USH2A: variants seen among roughly 807,000 people sequenced by gnomAD.
USH2A encodes the protein usherin, also known as Usher syndrome 2A (autosomal recessive, mild).
USH2A carries 443 observed loss-of-function variants against 538.9 expected under a neutral mutation model. The ratio of observed to expected loss-of-function variants is 0.82; its 90% CI spans 0.76 to 0.89. USH2A has a LOEUF of 0.89. USH2A is among the 40% of genes least tolerant of loss of function. The pLI is 0.00. For synonymous variants in USH2A, 2,413 were observed against 2,273.5 expected, an observed-to-expected ratio of 1.06 and a Z score of -1.75; for missense variants, 6,633 against 6,324.8, an observed-to-expected ratio of 1.05 and a Z score of -1.65.
At chr1:216,010,268 A>G (rs1668526669) in intron 32 of USH2A, among the ~76,000 whole-genome samples, 1 of 152,178 alleles carries the variant, frequency 6.6e-6, no homozygotes, top group Non-Finnish European at 1.5e-5. Context: ...CTCCTCCTCC[A>G]GGAGCTTGCT....
At chr1:215,933,469 G>A (rs1406336463) in intron 38 of USH2A, among the ~76,000 whole-genome samples, 1 of 151,914 alleles carries the variant, frequency 6.6e-6, no homozygotes, top group Non-Finnish European at 1.5e-5. Context: ...CTTAAGTAAT[G>A]TAGCTTCTGA....
chr1:216,262,792 C>G (rs932999250), intron 11 of USH2A, among the ~76,000 whole-genome samples: 2 of 151,560 alleles, frequency 1.3e-5, no homozygotes, highest in African/African-American at 4.8e-5. Context: ...TAAAAAAGAT[C>G]AGAGAAGAAG....
intron 47 of USH2A, among the ~76,000 whole-genome samples, chr1:215,828,512 G>T (rs1219598168): frequency 6.6e-6 from 1 of 152,164 alleles, no homozygotes; most frequent in Non-Finnish European, 1.5e-5. Context: ...CATTCATTTA[G>T]AGACATCTAA....
intron 11 of USH2A, among the ~76,000 whole-genome samples, chr1:216,270,055 A>G (rs1172448190): frequency 6.6e-6 from 1 of 152,180 alleles, no homozygotes; most frequent in Non-Finnish European, 1.5e-5. Flanking sequence ...AGATGAATAA[A>G]TTAGATGAAC....
chr1:216,103,816 G>A (rs1411034763), intron 21 of USH2A, among the ~76,000 whole-genome samples: 2 of 152,098 alleles, frequency 1.3e-5, no homozygotes, highest in Non-Finnish European at 2.9e-5. Context: ...GATGTTCAGT[G>A]TCATCATTCA....
intron 32 of USH2A, among the ~76,000 whole-genome samples, chr1:216,028,055 A>G (rs1413853101): frequency 6.6e-6 from 1 of 152,194 alleles, no homozygotes; most frequent in Non-Finnish European, 1.5e-5. Flanking sequence ...AATGGGAATA[A>G]AATTTGAACC....
At chr1:216,410,856 A>C (rs74141591) in intron 3 of USH2A, among the ~76,000 whole-genome samples, 1,850 of 152,260 alleles carry the variant, frequency 0.012, 15 homozygotes, top group Middle Eastern at 0.027. Context: ...ATTCATTTGC[A>C]TATTCACTAT....
At chr1:216,203,147 A>C (rs2035034871) in intron 16 of USH2A, among the ~76,000 whole-genome samples, 1 of 152,114 alleles carries the variant, frequency 6.6e-6, no homozygotes, top group Non-Finnish European at 1.5e-5. Flanking sequence ...TATCCACAGG[A>C]GATACATTCC....
intron 38 of USH2A, among the ~76,000 whole-genome samples, chr1:215,929,837 G>A (rs1401586483): frequency 2.6e-5 from 4 of 151,930 alleles, no homozygotes; most frequent in Middle Eastern, 3.2e-3. Flanking sequence ...GGACTCCAAC[G>A]TCTATGCTTT....
chr1:216,358,861 T>A (rs1224886215), intron 4 of USH2A, among the ~76,000 whole-genome samples: 1 of 152,154 alleles, frequency 6.6e-6, no homozygotes, highest in Non-Finnish European at 1.5e-5. Flanking sequence ...TTCACACTGT[T>A]CTTTTGAAGC....
intron 15 of USH2A, among the ~76,000 whole-genome samples, chr1:216,209,123 T>A (rs2035181699): frequency 6.6e-6 from 1 of 152,144 alleles, no homozygotes; most frequent in Non-Finnish European, 1.5e-5. Flanking sequence ...AAATAAGCAG[T>A]CAGGCTTGCT....
intron 68 of USH2A, among the ~76,000 whole-genome samples, chr1:215,639,519 A>G (rs574563098): frequency 6.6e-6 from 1 of 152,366 alleles, no homozygotes; most frequent in Admixed American, 6.5e-5. Flanking sequence ...GTAATACACA[A>G]AGCGCATCTT....
chr1:216,403,042 T>G (rs181056806), intron 3 of USH2A, among the ~76,000 whole-genome samples: 1 of 152,216 alleles, frequency 6.6e-6, no homozygotes, highest in East Asian at 1.9e-4. Context: ...AATTCAGCAC[T>G]ATATAAAAGG....
chr1:216,264,149 G>C (rs559571207), intron 11 of USH2A, among the ~76,000 whole-genome samples: 2 of 152,140 alleles, frequency 1.3e-5, no homozygotes, highest in South Asian at 4.2e-4. Context: ...ATGGATTAGA[G>C]GAACTAATAT....
chr1:216,238,104 G>C (rs1219673538), intron 13 of USH2A, among the ~76,000 whole-genome samples: 6 of 152,078 alleles, frequency 3.9e-5, no homozygotes, highest in African/African-American at 7.2e-5. Flanking sequence ...TAATAAATAT[G>C]ATGTGCTACT....
chr1:215,955,146 G>C (rs954898462), intron 37 of USH2A, among the ~76,000 whole-genome samples: 2 of 151,954 alleles, frequency 1.3e-5, no homozygotes, highest in Admixed American at 1.3e-4. Flanking sequence ...ATGATTACTT[G>C]GGTAATTTCT....
At chr1:215,816,882 T>C in intron 48 of USH2A, 115 bp downstream of exon 48, 2 of 1,172,544 alleles carry the variant, frequency 1.7e-6, no homozygotes, top group South Asian at 1.3e-5. Context: ...GGAGTCTTCT[T>C]CATAGAGTAG....
At chr1:216,280,803 G>T (rs551413725) in intron 11 of USH2A, among the ~76,000 whole-genome samples, 1 of 152,186 alleles carries the variant, frequency 6.6e-6, no homozygotes, top group South Asian at 2.1e-4. Context: ...TTCCCTTCCA[G>T]AACATAGAGC....
In USH2A at chr1:216,245,690, A is replaced by T. The variant is rs184511297; in HGVS notation, c.2809+895T>A. On this transcript the variant is annotated intron_variant, in intron 13 of 71. Coordinates refer to ENST00000307340, the MANE Select transcript of USH2A (RefSeq NM_206933.4). ...CACAAAAAGAATGAACTCTTCATCAATTCCTTCTTGTCTCTTTGATCTTAC... is the reference window on the plus strand; with the variant it reads ...CACAAAAAGAATGAACTCTTCATCATTTCCTTCTTGTCTCTTTGATCTTAC... Among the ~76,000 whole-genome samples the T allele has an allele frequency of 3.8e-3, 581 of 152,242 alleles. 4 individuals are homozygous for T. The highest frequency in any genetic ancestry group is 7.6e-3 in the Admixed American group (116 of 15,280).
Sources: gnomAD v4.1 joint callset for allele counts (sites outside exome capture counted in the v4.1 genomes callset) on GRCh38, gnomAD v4.1.1 for gene constraint, MANE v1.5 for transcripts, NCBI Gene and HGNC (gene_info 2026-07-23, HGNC 2026-07-21) for gene names.